IQGAP2: variants seen among roughly 807,000 people sequenced by gnomAD.
IQGAP2 encodes the protein ras GTPase-activating-like protein IQGAP2.
A neutral mutation model predicts 201.3 loss-of-function variants in IQGAP2; 173 were observed. That is an observed-to-expected ratio of 0.86 (90% CI 0.76 to 0.98). The LOEUF (loss-of-function observed/expected upper bound fraction) is 0.98, where lower values mean the gene tolerates loss of function less well. Among genes scored for constraint, IQGAP2 ranks in the 50% least tolerant of loss-of-function variants. The probability of loss-of-function intolerance (pLI) is 0.00; values close to 1 mark genes in which losing one functional copy is unlikely to be tolerated. For missense variants in IQGAP2, 1,687 were observed against 1,864.8 expected (o/e 0.90, Z 1.76); for synonymous variants, 675 against 673.9 (o/e 1.00, Z -0.03).
Position 76,677,266 on chromosome 5 carries a change from T to C in IQGAP2, c.3576T>C (p.Phe1192=), listed in dbSNP as rs769519230. 3 of 1,613,416 alleles carry C rather than the reference T, an allele frequency of 1.9e-6. No homozygotes were observed. The highest frequency in any genetic ancestry group is 4.5e-5 in the East Asian group (2 of 44,860). ...ACNVPEPEEK[F]NMDKYTDLVT... is the part of the protein sequence containing the mutation. ...ATGTCCCTGAGCCAGAAGAGAAGTT[T>C]AATATGGACAAATACACAGACCTGG... is the stretch of plus-strand genomic sequence containing the variant. Residue 1192 remains phenylalanine (F), a synonymous_variant, in exon 28 of 36, where the codon TTT becomes TTC. Transcript: ENST00000274364.
chr5:76,695,734 G>A, intron 32 of IQGAP2, 68 bp downstream of exon 32: 1 of 1,283,674 alleles, frequency 7.8e-7, no homozygotes, highest in Non-Finnish European at 1.1e-6. Context: ...TCAAGTGCTG[G>A]GCACTCTGTG....
rs932601424 is a variant in IQGAP2 at position 76,701,081 on chromosome 5, C to G, written c.4373C>G (p.Thr1458Ser). The G allele has an allele frequency of 2.5e-6, 4 of 1,613,952 alleles. No individual in the cohort carries two copies. In the South Asian group the frequency reaches 4.4e-5, roughly 18 times the overall value. ...TTCTGTTCTTATTTTGTCAGAAATACTCGGAGATCAATTAAACTAGATGGA... is the reference window on the plus strand; with the variant it reads ...TTCTGTTCTTATTTTGTCAGAAATAGTCGGAGATCAATTAAACTAGATGGA... ...TCLDNLKRKN[T>S]RRSIKLDGKG... Residue 1458 changes from threonine to serine, a missense_variant, in exon 34 of 36, where the codon ACT (threonine) becomes AGT (serine). Coordinates refer to ENST00000274364, the MANE Select transcript of IQGAP2 (RefSeq NM_006633.5).
chr5:76,420,605 G>T (rs1203730624), intron 1 of IQGAP2, among the ~76,000 whole-genome samples: 1 of 152,088 alleles, frequency 6.6e-6, no homozygotes, highest in Non-Finnish European at 1.5e-5. Context: ...TCGAACTCTT[G>T]ACCTTGTGAT....
chr5:76,686,526 T>C (rs1745768466), intron 30 of IQGAP2, among the ~76,000 whole-genome samples: 2 of 152,158 alleles, frequency 1.3e-5, no homozygotes, highest in South Asian at 2.1e-4. Flanking sequence ...TGTTTTTTGT[T>C]TGAGACAGCG....
chr5:76,641,748 A>G (rs1323535427), intron 17 of IQGAP2, among the ~76,000 whole-genome samples: 2 of 152,118 alleles, frequency 1.3e-5, no homozygotes, highest in Non-Finnish European at 2.9e-5. Context: ...AAAGGCTGTG[A>G]GTTTGTTCTT....
In IQGAP2 at chr5:76,589,696, T is replaced by C; in HGVS notation, c.608T>C (p.Leu203Pro). 6.2e-7 allele frequency: 1 copy of C among 1,607,704 alleles called. No individual in the cohort carries two copies. Among genetic ancestry groups the C allele is most frequent in the Non-Finnish European group, 8.5e-7 (1 of 1,176,962 alleles). The stretch of plus-strand genomic sequence containing the variant: ...TCTTTCAGCAAAATAGGTGGTATTC[T>C]GGCCAATGAACTGTCCGTGGATGAA... Reference protein sequence around the residue: ...MPSFSKIGGILANELSVDEAA... With the variant: ...MPSFSKIGGIPANELSVDEAA... Residue 203 changes from leucine to proline, a missense_variant, in exon 7 of 36, where the codon CTG becomes CCG. Physicochemically the swap from Leu to Pro is moderately conservative, Grantham distance 98. Transcript: ENST00000274364.
chr5:76,612,869 G>A (rs924903672), intron 13 of IQGAP2, among the ~76,000 whole-genome samples: 45 of 152,238 alleles, frequency 3.0e-4, no homozygotes, highest in African/African-American at 9.9e-4. Flanking sequence ...CTCCGTTTTT[G>A]TACTGCTTGG....
At chr5:76,644,888 T>C (rs1212970886) in intron 17 of IQGAP2, among the ~76,000 whole-genome samples, 1 of 152,206 alleles carries the variant, frequency 6.6e-6, no homozygotes, top group Non-Finnish European at 1.5e-5. Flanking sequence ...TCGGGATACA[T>C]GTGCAGAATG....
rs571006000 is a variant in IQGAP2 at position 76,566,724 on chromosome 5, C to G, written c.304-3856C>G. ...TCCAGGTGGCAGTGACCTGCACAGA[C>G]AAGAAGTGAACTGCTTCAAGAGGGA... On this transcript the variant is annotated intron_variant, in intron 3 of 35. Coordinates refer to ENST00000274364, the MANE Select transcript of IQGAP2 (RefSeq NM_006633.5). Among the ~76,000 whole-genome samples the G allele has an allele frequency of 4.5e-3, 683 of 152,040 alleles. 4 individuals are homozygous for G. The highest frequency in any genetic ancestry group is 7.9e-3 in the Non-Finnish European group (539 of 67,980).
chr5:76,453,386 GA>G (rs952363892), intron 1 of IQGAP2, among the ~76,000 whole-genome samples: 3 of 151,948 alleles, frequency 2.0e-5, no homozygotes. Context: ...ATAATATACA[GA>G]AAAAAAACCC....
intron 1 of IQGAP2, among the ~76,000 whole-genome samples, chr5:76,453,810 C>T (rs1168680258): frequency 1.3e-5 from 2 of 152,156 alleles, no homozygotes; most frequent in Non-Finnish European, 2.9e-5. Flanking sequence ...TTTGCCCTGA[C>T]CAACAGTTAA....
At chr5:76,681,514 A>G (rs1745290868) in intron 28 of IQGAP2, among the ~76,000 whole-genome samples, 2 of 150,460 alleles carry the variant, frequency 1.3e-5, no homozygotes, top group Admixed American at 1.3e-4. Flanking sequence ...ACCCAGTAGG[A>G]TGATTAATAT....
chr5:76,620,842 A>C (rs1007193264), intron 13 of IQGAP2, among the ~76,000 whole-genome samples: 4 of 152,242 alleles, frequency 2.6e-5, no homozygotes, highest in Non-Finnish European at 5.9e-5. Flanking sequence ...ATAGAAACAC[A>C]TCAACTATAT....
At chr5:76,533,607 C>G (rs1208828649) in intron 2 of IQGAP2, among the ~76,000 whole-genome samples, 4 of 152,194 alleles carry the variant, frequency 2.6e-5, no homozygotes, top group African/African-American at 9.6e-5. Context: ...GTGGCACGAT[C>G]TTGGCTCACT....
intron 1 of IQGAP2, among the ~76,000 whole-genome samples, chr5:76,419,309 G>A (rs1316180880): frequency 6.6e-6 from 1 of 151,058 alleles, no homozygotes; most frequent in Non-Finnish European, 1.5e-5. Flanking sequence ...ATATTTTTTG[G>A]TTGAGACAGG....
intron 35 of IQGAP2, among the ~76,000 whole-genome samples, chr5:76,705,201 C>T (rs1350320710): frequency 6.6e-6 from 1 of 152,154 alleles, no homozygotes; most frequent in Non-Finnish European, 1.5e-5. Context: ...GATCCAAGTT[C>T]TTCATCACTC....
At chr5:76,448,373 T>A (rs1414614470) in intron 1 of IQGAP2, among the ~76,000 whole-genome samples, 1 of 152,186 alleles carries the variant, frequency 6.6e-6, no homozygotes, top group Admixed American at 6.5e-5. Flanking sequence ...TGTAGCAAGG[T>A]CTCTACATGC....
At chr5:76,435,936 G>A (rs1460302305) in intron 1 of IQGAP2, among the ~76,000 whole-genome samples, 1 of 126,510 alleles carries the variant, frequency 7.9e-6, no homozygotes, top group East Asian at 2.0e-4. Context: ...TTGGGTTTTT[G>A]TTTGTTTGTT....
intron 5 of IQGAP2, among the ~76,000 whole-genome samples, chr5:76,585,980 T>A (rs1470869693): frequency 1.3e-5 from 2 of 152,212 alleles, no homozygotes; most frequent in Non-Finnish European, 2.9e-5. Flanking sequence ...GAGCACCCTT[T>A]TAACTGGAAT....
Sources: gnomAD v4.1 joint callset for allele counts (sites outside exome capture counted in the v4.1 genomes callset) on GRCh38, gnomAD v4.1.1 for gene constraint, MANE v1.5 for transcripts, NCBI Gene and HGNC (gene_info 2026-07-23, HGNC 2026-07-21) for gene names.